Variants in HDAC7 observed in about 807,000 individuals in gnomAD.
HDAC7 encodes the protein histone deacetylase 7, also known as histone deacetylase 7A.
In HDAC7, 26 loss-of-function variants were observed where a neutral mutation model predicts 115.5. The ratio of observed to expected loss-of-function variants is 0.23; its 90% CI spans 0.16 to 0.31. HDAC7 has a LOEUF of 0.31. HDAC7 is among the 10% of genes least tolerant of loss of function. The pLI is 1.00. For synonymous variants in HDAC7, 564 were observed against 550.9 expected (o/e 1.02, Z -0.33); for missense variants, 1,068 against 1,329.0 (o/e 0.80, Z 3.05).
Position 47,783,231 on chromosome 12 carries a change from G to T in HDAC7, c.*610C>A, listed in dbSNP as rs114073925. 2,002 of 155,804 alleles carry T rather than the reference G, an allele frequency of 0.013. 50 individuals are homozygous for T. Among genetic ancestry groups the T allele is most frequent in the African/African-American group, 0.045 (1,871 of 41,570 alleles). The allele number at this position is 155,804 out of a possible 1,614,324, so 9.7% of individuals were successfully genotyped here. A position where few individuals can be genotyped will look rare whatever the true frequency, so the allele number is the denominator to read the frequency against. On this transcript the variant is annotated 3_prime_UTR_variant, in exon 26 of 26. Transcript: ENST00000080059. Reference sequence around the variant, plus strand: ...TGATGTAGGGGGGCCTCTGGCGAGGGTACGGACCAGATGGAGGGCTGCCAG... The same window carrying T: ...TGATGTAGGGGGGCCTCTGGCGAGGTTACGGACCAGATGGAGGGCTGCCAG...
intron 19 of HDAC7, 183 bp downstream of exon 19, chr12:47,789,078 C>T: frequency 3.3e-6 from 2 of 613,040 alleles, no homozygotes; most frequent in African/African-American, 3.7e-5. Flanking sequence ...TCCCACACGC[C>T]ATCCCCTCTA....
intron 13 of HDAC7, chr12:47,792,483 C>T: frequency 2.7e-6 from 1 of 365,360 alleles, no homozygotes; most frequent in Non-Finnish European, 5.5e-6. Context: ...CACGATGACA[C>T]TGGACCATGT....
chr12:47,795,949 G>A lies in HDAC7; in HGVS notation c.863C>T (p.Ser288Phe), dbSNP rs1943806658. Residue 288 changes from serine to phenylalanine, a missense_variant, in exon 9 of 26, where the codon TCC becomes TTC. Around this residue, in one of 6 missense-constraint regions of HDAC7, gnomAD observed 618 missense variants for 701.5 expected, o/e 0.88. Transcript: ENST00000080059. This position sits in a 1 kb window ranked among gnomAD's most constrained non-coding sequence, Gnocchi z 4.3. ...CCCCAGAGTGATTGCGGGCAGCAAG[G>A]ACACTGTCGGCAAGGCGAACGGGGC... The part of the protein sequence containing the change: ...SVAPFALPTV[S>F]LLPAITLGLP... 18 of 1,551,008 alleles carry A rather than the reference G, an allele frequency of 1.2e-5. No homozygotes were observed. The highest frequency in any genetic ancestry group is 1.4e-5 in the Non-Finnish European group (16 of 1,147,948).
At position 47,785,455 on chromosome 12, in the gene HDAC7, T is replaced by A; in HGVS notation, c.2723A>T (p.Glu908Val). ...LLGNRVDPLS[E>V]EGWKQKPNLN... is the part of the protein sequence containing the mutation. Reference sequence around the variant, plus strand: ...GTTGGGTTTCTGTTTCCAGCCTTCTTCTGAAAGGGGATCCACCTATAGAAA... The same window carrying A: ...GTTGGGTTTCTGTTTCCAGCCTTCTACTGAAAGGGGATCCACCTATAGAAA... The change falls in exon 24 of 26, where the codon GAA becomes GTA. Residue 908 changes from glutamate (E) to valine (V), a missense_variant. Physicochemically the swap from Glu to Val is moderately radical, Grantham distance 121. Around this residue, in one of 6 missense-constraint regions of HDAC7, gnomAD observed 98 missense variants for 123.9 expected, o/e 0.79. Transcript: ENST00000080059. 1 of 1,612,942 alleles carries A rather than the reference T, an allele frequency of 6.2e-7. No homozygotes were observed.
At chr12:47,812,986 G>C (rs972401463) in intron 1 of HDAC7, 11 of 152,366 alleles carry the variant, frequency 7.2e-5, no homozygotes, top group African/African-American at 2.6e-4. Flanking sequence ...TCGCCCGGTG[G>C]GGGTGGGGTG....
At chr12:47,811,538 C>T (rs1592697330) in intron 1 of HDAC7, among the ~76,000 whole-genome samples, 1 of 152,178 alleles carries the variant, frequency 6.6e-6, no homozygotes, top group Non-Finnish European at 1.5e-5. Context: ...AAGACACATA[C>T]GGAAATGGAA....
intron 13 of HDAC7, 100 bp from the exon 14 acceptor site, chr12:47,792,104 T>C: frequency 1.4e-6 from 2 of 1,403,022 alleles, no homozygotes; most frequent in East Asian, 2.5e-5. Context: ...GGCACCCACA[T>C]GGAGCCGGGC....
chr12:47,788,222 T>C, intron 19 of HDAC7, 58 bp from the exon 20 acceptor site: 1 of 1,532,148 alleles, frequency 6.5e-7, no homozygotes, highest in Non-Finnish European at 8.8e-7. Context: ...CCAGGACAGG[T>C]TAGAAGGGTT....
chr12:47,787,284 C>A (rs965020601), intron 21 of HDAC7, among the ~76,000 whole-genome samples: 6 of 152,296 alleles, frequency 3.9e-5, no homozygotes, highest in Admixed American at 6.5e-5. Flanking sequence ...AACTCTGGGG[C>A]CTGCTTGGGT....
chr12:47,786,589 G>C lies in HDAC7; in HGVS notation c.2568C>G (p.Ala856=). 23 of 1,609,424 alleles carry C rather than the reference G, an allele frequency of 1.4e-5. No homozygotes were observed. The highest frequency in any genetic ancestry group is 2.0e-5 in the Non-Finnish European group (23 of 1,175,922). ...CCTCAGCTGAGGCTCCCTTACATTT[G>C]GCAGAAACATGGTAGCCACCCAGTG... ...PAPLGGYHVS[A]KCFGYMTQQL... The change falls in exon 22 of 26, where the codon GCC becomes GCG. Residue 856 remains alanine, a synonymous_variant. Transcript: ENST00000080059.
chr12:47,784,757 G>A (rs1294428705), intron 24 of HDAC7: 15 of 1,535,464 alleles, frequency 9.8e-6, no homozygotes, highest in Non-Finnish European at 1.3e-5. Flanking sequence ...GCCTGCTGCT[G>A]TGAGGAACCA....
intron 1 of HDAC7, among the ~76,000 whole-genome samples, chr12:47,809,118 A>T (rs1944536996): frequency 6.6e-6 from 1 of 152,176 alleles, no homozygotes; most frequent in Non-Finnish European, 1.5e-5. Context: ...AGTGTGAGCC[A>T]GTCTTTCTCA....
intron 15 of HDAC7, 95 bp downstream of exon 15, chr12:47,791,491 G>A (rs926261432): frequency 1.1e-5 from 17 of 1,497,820 alleles, no homozygotes; most frequent in African/African-American, 1.4e-5. Context: ...CAGGGTGCAG[G>A]AGGAGGCTGG....
In HDAC7 at chr12:47,798,266, G is replaced by C. The variant is rs984720888; in HGVS notation, c.350-47C>G. 1.4e-6 allele frequency: 2 copies of C among 1,448,016 alleles called. No homozygotes were observed. The highest frequency in any genetic ancestry group is 2.8e-5 in the African/African-American group (2 of 71,796). 89.7% of individuals were successfully genotyped at this position (1,448,016 alleles called of 1,614,324 possible). On this transcript the variant is annotated intron_variant, in intron 4 of 25. Coordinates refer to ENST00000080059, the MANE Select transcript of HDAC7 (RefSeq NM_015401.5). The surrounding 1 kb of genome is among the most constrained non-coding windows in gnomAD (Gnocchi z 4.3). ...GGGGCTGGAGGTGGGTGGACAGGCG[G>C]CCTCGTGGCACTACCTGGCCACTGC... is the stretch of plus-strand genomic sequence containing the variant.
chr12:47,801,618 A>G (rs574943867), intron 2 of HDAC7, among the ~76,000 whole-genome samples: 10 of 152,270 alleles, frequency 6.6e-5, no homozygotes, highest in Admixed American at 6.5e-4. Context: ...TATATCTTGC[A>G]CTCAGTAGGC....
Position 47,791,734 on chromosome 12 carries a change from C to T in HDAC7, c.1813-28G>A, listed in dbSNP as rs748693063. On this transcript the variant is annotated intron_variant, in intron 14 of 25. Transcript: ENST00000080059. ...GAAAAGGGGACCACAGAGCTCTGAG[C>T]TCATGCTCGCCCCTTCCCTCCCATC... The T allele has an allele frequency of 1.9e-6, 3 of 1,611,420 alleles. No individual in the cohort carries two copies. In the African/African-American group the frequency reaches 4.0e-5, roughly 21 times the overall value.
chr12:47,792,284 C>T (rs1055028168), intron 13 of HDAC7: 15 of 500,452 alleles, frequency 3.0e-5, no homozygotes, highest in African/African-American at 2.9e-4. Context: ...GGCCTTCCCA[C>T]ATGCGGACAC....
At chr12:47,808,155 C>A (rs567103721) in intron 1 of HDAC7, among the ~76,000 whole-genome samples, 1 of 152,206 alleles carries the variant, frequency 6.6e-6, no homozygotes, top group East Asian at 1.9e-4. Flanking sequence ...CTTTCTCCGC[C>A]ACCTCAGGGC....
chr12:47,783,767 T>C lies in HDAC7; in HGVS notation c.*74A>G. On this transcript the variant is annotated 3_prime_UTR_variant, in exon 26 of 26. Coordinates refer to ENST00000080059, the MANE Select transcript of HDAC7 (RefSeq NM_015401.5). ...CACAGGATCTCTAAAGACCCAGGAA[T>C]GGGGGCTATTGCCAGGGGTTAGAAG... 1 of 1,438,630 alleles carries C rather than the reference T, an allele frequency of 7.0e-7. No homozygotes were observed. The highest frequency in any genetic ancestry group is 1.4e-5 in the African/African-American group (1 of 71,804). The allele number at this position is 1,438,630 out of a possible 1,614,324, so 89.1% of individuals were successfully genotyped here.
Sources: allele counts gnomAD v4.1 joint callset (sites outside exome capture counted in the v4.1 genomes callset), GRCh38; gene constraint gnomAD v4.1.1; regional missense constraint gnomAD v4.1.1; non-coding constraint Gnocchi (gnomAD v3.1); transcripts MANE v1.5; gene names NCBI Gene and HGNC (gene_info 2026-07-23, HGNC 2026-07-21).